TWIST2: variants seen among roughly 807,000 people sequenced by gnomAD.
TWIST2 encodes twist family bHLH transcription factor 2, also known as twist-related protein 2.
In TWIST2, 1 loss-of-function variant was observed where a neutral mutation model predicts 11.6. That is an observed-to-expected ratio of 0.09 (90% CI 0.03 to 0.41). The LOEUF is 0.41. Among genes scored for constraint, TWIST2 ranks in the 10% least tolerant of loss-of-function variants. TWIST2 has a pLI of 0.98. For missense variants in TWIST2, 168 were observed against 226.4 expected, an observed-to-expected ratio of 0.74 and a Z score of 1.66; for synonymous variants, 87 against 96.6, an observed-to-expected ratio of 0.90 and a Z score of 0.58.
intron 1 of TWIST2, among the ~76,000 whole-genome samples, chr2:238,884,599 C>T (rs527875167): frequency 5.9e-5 from 9 of 152,284 alleles, no homozygotes; most frequent in Admixed American, 1.3e-4. Context: ...GAGGTGAGAA[C>T]GGCACCTTCA....
At chr2:238,882,303 G>A (rs1408086386) in intron 1 of TWIST2, among the ~76,000 whole-genome samples, 2 of 152,118 alleles carry the variant, frequency 1.3e-5, no homozygotes, top group Non-Finnish European at 2.9e-5. Flanking sequence ...GGAGTCCCTG[G>A]CCTCTTTCCA....
At chr2:238,849,162 C>T (rs146629408) in intron 1 of TWIST2, among the ~76,000 whole-genome samples, 2,550 of 152,274 alleles carry the variant, frequency 0.017, 38 homozygotes, top group South Asian at 0.061. Context: ...CGCGAAGCTG[C>T]CCGAGCCGGG....
At chr2:238,902,574 G>T (rs1693282515) in intron 1 of TWIST2, among the ~76,000 whole-genome samples, 1 of 150,062 alleles carries the variant, frequency 6.7e-6, no homozygotes, top group Non-Finnish European at 1.5e-5. Flanking sequence ...GTTGTGTAAT[G>T]TGAGTTGTGT....
intron 1 of TWIST2, among the ~76,000 whole-genome samples, chr2:238,856,977 G>A (rs1692342537): frequency 6.6e-6 from 1 of 152,196 alleles, no homozygotes. Flanking sequence ...AGCCCCAGAG[G>A]GGGCCGTGTC....
At chr2:238,865,801 T>G (rs1692519542) in intron 1 of TWIST2, among the ~76,000 whole-genome samples, 1 of 152,116 alleles carries the variant, frequency 6.6e-6, no homozygotes, top group Non-Finnish European at 1.5e-5. Context: ...ATACACCAAT[T>G]TAGATGCTCT....
At position 238,867,255 on chromosome 2, in the gene TWIST2, G is replaced by A. The variant is rs1425191030; in HGVS notation, c.*35+18522G>A. ...AGAGGTGGAGAAAGAGGGAGAGGGA[G>A]GCAGGGAGGGAGGGGGAAGCCACTG... On this transcript the variant is annotated intron_variant, in intron 1 of 1. Transcript: ENST00000612363. The surrounding 1 kb of genome is among the most constrained non-coding windows in gnomAD (Gnocchi z 4.8). Among the ~76,000 whole-genome samples, 4 of 152,090 alleles carry A rather than the reference G, an allele frequency of 2.6e-5. No homozygotes were observed. Among genetic ancestry groups the A allele is most frequent in the Non-Finnish European group, 5.9e-5 (4 of 68,014 alleles).
intron 1 of TWIST2, among the ~76,000 whole-genome samples, chr2:238,876,895 T>G (rs1258676416): frequency 6.6e-6 from 1 of 152,196 alleles, no homozygotes; most frequent in African/African-American, 2.4e-5. Context: ...AACATATTTC[T>G]GTTATTAAAA....
intron 1 of TWIST2, among the ~76,000 whole-genome samples, chr2:238,896,142 G>A (rs1391047245): frequency 2.0e-5 from 3 of 152,148 alleles, no homozygotes; most frequent in Admixed American, 6.5e-5. Flanking sequence ...CATGAGTCAC[G>A]GAGGGGGGAG....
At chr2:238,854,627 G>A (rs1398215144) in intron 1 of TWIST2, among the ~76,000 whole-genome samples, 1 of 152,174 alleles carries the variant, frequency 6.6e-6, no homozygotes, top group Non-Finnish European at 1.5e-5. Context: ...TGAAACTTTC[G>A]TCGTTACTAC....
chr2:238,872,201 C>T (rs138714031), intron 1 of TWIST2, among the ~76,000 whole-genome samples: 19,527 of 152,200 alleles, frequency 0.13, 1,611 homozygotes, highest in Non-Finnish European at 0.18. Flanking sequence ...CCAAGAGTCC[C>T]GGGCCACTTT....
intron 1 of TWIST2, among the ~76,000 whole-genome samples, chr2:238,877,663 T>A: frequency 6.6e-6 from 1 of 152,242 alleles, no homozygotes; most frequent in East Asian, 1.9e-4. Context: ...ATCTCTTAGC[T>A]AGAGAGTCCA....
At chr2:238,886,445 G>A (rs1049110465) in intron 1 of TWIST2, among the ~76,000 whole-genome samples, 3 of 152,046 alleles carry the variant, frequency 2.0e-5, no homozygotes, top group Non-Finnish European at 4.4e-5. Context: ...GGGAGAATTC[G>A]AATTTCCTCT....
At chr2:238,848,971 G>A (rs1437304624) in intron 1 of TWIST2, among the ~76,000 whole-genome samples, 4 of 152,226 alleles carry the variant, frequency 2.6e-5, no homozygotes, top group African/African-American at 9.6e-5. Flanking sequence ...GCGGACCGGT[G>A]ACTCCCCCGG....
intron 1 of TWIST2, among the ~76,000 whole-genome samples, chr2:238,853,664 A>C (rs2106348712): frequency 6.6e-6 from 1 of 152,304 alleles, no homozygotes; most frequent in African/African-American, 2.4e-5. Flanking sequence ...AGCTCTTGTA[A>C]ACTGAGGCAC....
At chr2:238,879,034 A>T (rs1338187000) in intron 1 of TWIST2, among the ~76,000 whole-genome samples, 1 of 152,250 alleles carries the variant, frequency 6.6e-6, no homozygotes, top group African/African-American at 2.4e-5. Flanking sequence ...GTATAATACC[A>T]TGTCGCATGT....
intron 1 of TWIST2, among the ~76,000 whole-genome samples, chr2:238,857,859 C>T (rs1472473726): frequency 1.3e-5 from 2 of 152,114 alleles, no homozygotes; most frequent in Non-Finnish European, 2.9e-5. Flanking sequence ...ATCACTTGAA[C>T]CCAGGAGGCA....
chr2:238,853,263 C>A (rs892239950), intron 1 of TWIST2, among the ~76,000 whole-genome samples: 10 of 152,234 alleles, frequency 6.6e-5, no homozygotes, highest in African/African-American at 2.2e-4. Flanking sequence ...ATTAAGCATA[C>A]ACACACAATT....
Position 238,880,746 on chromosome 2 carries a change from T to C in TWIST2, c.*36-29096T>C, listed in dbSNP as rs1439766093. 7.0e-5 allele frequency among the ~76,000 whole-genome samples: 8 copies of C among 114,758 alleles called. 1 individual carries two copies. Among genetic ancestry groups the C allele is most frequent in the African/African-American group, 1.1e-4 (3 of 27,778 alleles). The allele number at this position is 114,758 out of a possible 152,430, so 75.3% of individuals were successfully genotyped here. A position where few individuals can be genotyped will look rare whatever the true frequency, so the allele number is the denominator to read the frequency against. On this transcript the variant is annotated intron_variant, in intron 1 of 1. Coordinates refer to ENST00000612363, the MANE Select transcript of TWIST2 (RefSeq NM_001271893.4). ...TAGTATCTATTAGTATTAGTGTTAG[T>C]GTTGGTGTTAATATTAGCATTAGTG...
At chr2:238,869,976 G>C (rs1182418141) in intron 1 of TWIST2, among the ~76,000 whole-genome samples, 1 of 151,858 alleles carries the variant, frequency 6.6e-6, no homozygotes, top group African/African-American at 2.4e-5. Context: ...ATGTTGGTGA[G>C]GATGTGGAGA....
Sources: gnomAD v4.1 joint callset for allele counts (sites outside exome capture counted in the v4.1 genomes callset) on GRCh38, gnomAD v4.1.1 for gene constraint, Gnocchi (gnomAD v3.1) non-coding constraint, MANE v1.5 for transcripts, NCBI Gene and HGNC (gene_info 2026-07-23, HGNC 2026-07-21) for gene names.